CYP2C8: variants seen among roughly 807,000 people sequenced by gnomAD.
CYP2C8 encodes the protein cytochrome P450 family 2 subfamily C member 8, also known as cytochrome P450 2C8.
CYP2C8 carries 51 observed loss-of-function variants against 41.3 expected under a neutral mutation model. The observed-to-expected ratio is 1.24, with a 90% CI of 0.99 to 1.56. The LOEUF (loss-of-function observed/expected upper bound fraction) is 1.56, where lower values mean the gene tolerates loss of function less well. Ranked by LOEUF, CYP2C8 falls within the 40% of genes most tolerant of loss-of-function variation. The probability of loss-of-function intolerance (pLI) is 0.00; values close to 1 mark genes in which losing one functional copy is unlikely to be tolerated. For missense variants in CYP2C8, 651 were observed against 579.9 expected (o/e 1.12, Z -1.26); for synonymous variants, 218 against 205.8 (o/e 1.06, Z -0.51).
chr10:95,059,705 T>C (rs1370942854), intron 4 of CYP2C8, among the ~76,000 whole-genome samples: 3 of 152,236 alleles, frequency 2.0e-5, no homozygotes, highest in Non-Finnish European at 4.4e-5. Context: ...GTTTTAGACA[T>C]GAAGTCCTTG....
chr10:95,044,122 C>T (rs907503091), intron 6 of CYP2C8, among the ~76,000 whole-genome samples: 2 of 152,180 alleles, frequency 1.3e-5, no homozygotes, highest in Non-Finnish European at 2.9e-5. Context: ...CTCTGACACT[C>T]TCATTCTCTT....
intron 4 of CYP2C8, 118 bp from the exon 5 acceptor site, chr10:95,058,629 G>A (rs2033359408): frequency 1.1e-6 from 1 of 932,990 alleles, no homozygotes; most frequent in East Asian, 2.7e-5. Context: ...ATTTTGAAGG[G>A]AAATTTTTAT....
At chr10:95,052,484 A>G (rs1358282401) in intron 5 of CYP2C8, among the ~76,000 whole-genome samples, 1 of 144,608 alleles carries the variant, frequency 6.9e-6, no homozygotes, top group African/African-American at 2.5e-5. Context: ...AAAACCAAAG[A>G]CACATTAAAA....
At chr10:95,055,225 A>G (rs2033293401) in intron 5 of CYP2C8, among the ~76,000 whole-genome samples, 1 of 152,156 alleles carries the variant, frequency 6.6e-6, no homozygotes. Context: ...TAGTCAAAAC[A>G]GCATGGTACT....
intron 5 of CYP2C8, among the ~76,000 whole-genome samples, chr10:95,051,215 C>T (rs35394919): frequency 0.22 from 33,056 of 151,982 alleles, 4,047 homozygotes; most frequent in Non-Finnish European, 0.29. Context: ...CTGAAGAATG[C>T]ATTGGAGTCT....
chr10:95,054,452 CA>C (rs2033273926), intron 5 of CYP2C8, among the ~76,000 whole-genome samples: 1 of 151,962 alleles, frequency 6.6e-6, no homozygotes, highest in South Asian at 2.1e-4. Flanking sequence ...TATTTTATAT[CA>C]AATTGTGAAA....
At chr10:95,054,588 G>T (rs1406860685) in intron 5 of CYP2C8, among the ~76,000 whole-genome samples, 1 of 151,984 alleles carries the variant, frequency 6.6e-6, no homozygotes, top group Admixed American at 6.6e-5. Flanking sequence ...GAAATAAAAG[G>T]CATTTAGGTA....
intron 5 of CYP2C8, among the ~76,000 whole-genome samples, chr10:95,057,384 T>G (rs1281806295): frequency 6.6e-6 from 1 of 152,202 alleles, no homozygotes. Context: ...AATGTCATAA[T>G]TTTCTGAATT....
In CYP2C8 at chr10:95,064,814, A is replaced by G; in HGVS notation, c.628T>C (p.Ser210Pro). ...CTTGGCCTTACCTGGATCCATGGGG[A>G]GTTCAGAATCCTGAAGTTTTCATTG... ...RFNENFRILNSPWIQVCNNFP... is the reference protein window; with the variant it reads ...RFNENFRILNPPWIQVCNNFP... Residue 210 changes from serine (S) to proline (P), a missense_variant, in exon 4 of 9, where the codon TCC (serine) becomes CCC (proline). By Grantham distance (74) the Ser-to-Pro change is moderately conservative. Coordinates refer to ENST00000371270, the MANE Select transcript of CYP2C8 (RefSeq NM_000770.3). The G allele has an allele frequency of 6.2e-7, 1 of 1,613,960 alleles. No individual in the cohort carries two copies. Among genetic ancestry groups the G allele is most frequent in the East Asian group, 2.2e-5 (1 of 44,862 alleles).
At chr10:95,061,837 G>T (rs1477504552) in intron 4 of CYP2C8, among the ~76,000 whole-genome samples, 2 of 152,144 alleles carry the variant, frequency 1.3e-5, no homozygotes, top group South Asian at 2.1e-4. Flanking sequence ...CTGGTATGTT[G>T]TGTCTTTGTT....
intron 4 of CYP2C8, among the ~76,000 whole-genome samples, chr10:95,060,429 A>G (rs2033403337): frequency 6.6e-6 from 1 of 152,088 alleles, no homozygotes; most frequent in African/African-American, 2.4e-5. Flanking sequence ...TTCACTCATG[A>G]TTTGGCTCTC....
chr10:95,057,646 A>C, intron 5 of CYP2C8, among the ~76,000 whole-genome samples: 1 of 152,160 alleles, frequency 6.6e-6, no homozygotes, highest in East Asian at 1.9e-4. Flanking sequence ...CCCACAAACA[A>C]ATCCTCACAT....
chr10:95,037,256 GA>G lies in CYP2C8; in HGVS notation c.1344del (p.Leu449Ter), dbSNP rs959849063. 84 of 1,613,674 alleles carry G rather than the reference GA, an allele frequency of 5.2e-5. No individual in the cohort carries two copies. The highest frequency in any genetic ancestry group is 7.0e-5 in the Non-Finnish European group (82 of 1,179,848). On this transcript the variant is annotated frameshift_variant, in exon 9 of 9. Transcript: ENST00000371270. LOFTEE classifies it low-confidence loss of function (END_TRUNC). ...EGLARMELFL[F>X]LTTILQNFNL... ...TTAAAGTTCTGTAAAATTGTGGTTA[GA>G]AATAAAAATAGCTCCATGCGGGCAA... is the stretch of plus-strand genomic sequence containing the variant.
chr10:95,067,173 T>C (rs1275830038), intron 3 of CYP2C8, 35 bp downstream of exon 3: 1 of 1,613,848 alleles, frequency 6.2e-7, no homozygotes, highest in East Asian at 2.2e-5. Flanking sequence ...GACAGGTAAC[T>C]GTTAAGGTCA....
At chr10:95,058,615 G>A (rs2033359201) in intron 4 of CYP2C8, 104 bp from the exon 5 acceptor site, 7 of 1,075,054 alleles carry the variant, frequency 6.5e-6, no homozygotes, top group African/African-American at 4.8e-5. Flanking sequence ...AAGACATCAT[G>A]TCCATTTTGA....
chr10:95,057,830 T>C (rs2033341435), intron 5 of CYP2C8, among the ~76,000 whole-genome samples: 1 of 152,124 alleles, frequency 6.6e-6, no homozygotes, highest in Non-Finnish European at 1.5e-5. Flanking sequence ...TTAAACCTTC[T>C]CTCTTCCATC....
At position 95,045,894 on chromosome 10, in the gene CYP2C8, C is replaced by A; in HGVS notation, c.877G>T (p.Asp293Tyr). 1 of 1,614,070 alleles carries A rather than the reference C, an allele frequency of 6.2e-7. No individual in the cohort carries two copies. The highest frequency in any genetic ancestry group is 8.5e-7 in the Non-Finnish European group (1 of 1,179,926). Residue 293 changes from aspartate (D) to tyrosine (Y), a missense_variant, in exon 6 of 9, where the codon GAT becomes TAT. Transcript: ENST00000371270. ...NIENLVGTVADLFVAGTETTS... is the reference protein window; with the variant it reads ...NIENLVGTVAYLFVAGTETTS... ...GTCTCTGTTCCAGCAACAAATAGAT[C>A]AGCTACAGTGCCAACCAAGTTTTCA...
intron 7 of CYP2C8, among the ~76,000 whole-genome samples, chr10:95,041,524 G>T (rs1451073055): frequency 6.6e-6 from 1 of 152,164 alleles, no homozygotes; most frequent in African/African-American, 2.4e-5. Flanking sequence ...GCTCACGCCT[G>T]TAGTCCCAGC....
intron 5 of CYP2C8, among the ~76,000 whole-genome samples, chr10:95,047,242 C>T (rs754140498): frequency 8.5e-5 from 13 of 152,258 alleles, no homozygotes; most frequent in Admixed American, 4.6e-4. Context: ...ATTATCTGGC[C>T]TCAGATATTT....
Sources: gnomAD v4.1 joint callset for allele counts (sites outside exome capture counted in the v4.1 genomes callset) on GRCh38, gnomAD v4.1.1 for gene constraint, MANE v1.5 for transcripts, NCBI Gene and HGNC (gene_info 2026-07-23, HGNC 2026-07-21) for gene names.